Variants in GGACT observed in about 807,000 individuals in gnomAD.
GGACT encodes gamma-glutamylaminecyclotransferase.
For missense variants in GGACT, 241 were observed against 233.2 expected (o/e 1.03, Z -0.22); for synonymous variants, 118 against 115.3 (o/e 1.02, Z -0.15).
At chr13:100,566,042 C>T (rs1428923903) in intron 2 of GGACT, among the ~76,000 whole-genome samples, 2 of 152,164 alleles carry the variant, frequency 1.3e-5, no homozygotes, top group Non-Finnish European at 2.9e-5. Flanking sequence ...GAGGTCTCCA[C>T]CAACAGTCAG....
At chr13:100,535,523 C>T (rs1018873737) in intron 2 of GGACT, among the ~76,000 whole-genome samples, 1 of 152,188 alleles carries the variant, frequency 6.6e-6, no homozygotes, top group Non-Finnish European at 1.5e-5. Context: ...TCAGAGACCG[C>T]GGTGGGTACC....
intron 2 of GGACT, among the ~76,000 whole-genome samples, chr13:100,582,564 C>G (rs1489712935): frequency 6.6e-6 from 1 of 152,168 alleles, no homozygotes; most frequent in Non-Finnish European, 1.5e-5. Flanking sequence ...ACTGGAAAAC[C>G]TGCCCTGGAT....
chr13:100,551,270 C>A (rs552514680), intron 2 of GGACT, among the ~76,000 whole-genome samples: 1 of 151,506 alleles, frequency 6.6e-6, no homozygotes, highest in Non-Finnish European at 1.5e-5. Flanking sequence ...GGCGACAGAG[C>A]GAGACTCTGT....
rs187403837 is a variant in GGACT, at chr13:100,543,331, C to T, written c.-10-10730G>A. Among the ~76,000 whole-genome samples, 350 of 151,432 alleles carry T rather than the reference C, an allele frequency of 2.3e-3. 2 individuals carry two copies. Among genetic ancestry groups the T allele is most frequent in the African/African-American group, 8.1e-3 (335 of 41,210 alleles). On this transcript the variant is annotated intron_variant, in intron 2 of 2. Coordinates refer to ENST00000683975, the MANE Select transcript of GGACT (RefSeq NM_001195087.2). ...CAAGCAGTTCTCCTGCCTCAGCCTCCTGAGTAGCTGGGACTATAGGTGCCC... is the reference window on the plus strand; with the variant it reads ...CAAGCAGTTCTCCTGCCTCAGCCTCTTGAGTAGCTGGGACTATAGGTGCCC...
In GGACT at chr13:100,534,441, G is replaced by A. The variant is rs1311163954; in HGVS notation, c.-10-1840C>T. On this transcript the variant is annotated intron_variant, in intron 2 of 2. Coordinates refer to ENST00000683975, the MANE Select transcript of GGACT (RefSeq NM_001195087.2). The surrounding 1 kb of genome is among the most constrained non-coding windows in gnomAD (Gnocchi z 4.9). ...GTACTGAGGAAGAGAAGAGGCAAGT[G>A]CTCAGGCCTAAAATTGCCAGGACTC... Among the ~76,000 whole-genome samples, 1 of 152,124 alleles carries A rather than the reference G, an allele frequency of 6.6e-6. No individual in the cohort carries two copies. The highest frequency in any genetic ancestry group is 2.4e-5 in the African/African-American group (1 of 41,430).
intron 2 of GGACT, among the ~76,000 whole-genome samples, chr13:100,544,385 A>G (rs1033715771): frequency 6.6e-6 from 1 of 152,214 alleles, no homozygotes; most frequent in Non-Finnish European, 1.5e-5. Context: ...CTCGGGCCGC[A>G]TCCTGTTGGC....
chr13:100,566,575 T>A (rs1874886681), intron 2 of GGACT, among the ~76,000 whole-genome samples: 1 of 152,236 alleles, frequency 6.6e-6, no homozygotes. Flanking sequence ...AGGTCCCCTT[T>A]ACCAGATCCC....
At chr13:100,571,707 T>C (rs1382784084) in intron 2 of GGACT, among the ~76,000 whole-genome samples, 1 of 152,156 alleles carries the variant, frequency 6.6e-6, no homozygotes, top group African/African-American at 2.4e-5. Flanking sequence ...GGGTGTTTCA[T>C]CTCTGTGAAC....
In GGACT at chr13:100,531,093, G is replaced by T. The variant is rs1201119472; in HGVS notation, c.*1037C>A. Reference sequence around the variant, plus strand: ...CCCAACAGAGAATGAGGTTACTAAAGATCACAGCAGCTGCATTTTCATTTG... The same window carrying T: ...CCCAACAGAGAATGAGGTTACTAAATATCACAGCAGCTGCATTTTCATTTG... On this transcript the variant is annotated 3_prime_UTR_variant, in exon 3 of 3. Transcript: ENST00000683975. 6.6e-6 allele frequency: 1 copy of T among 152,248 alleles called. No individual in the cohort carries two copies. The highest frequency in any genetic ancestry group is 1.5e-5 in the Non-Finnish European group (1 of 68,048). The allele number at this position is 152,248 out of a possible 1,614,324, so 9.4% of individuals were successfully genotyped here.
intron 2 of GGACT, among the ~76,000 whole-genome samples, chr13:100,558,998 G>A (rs2088734663): frequency 6.6e-6 from 1 of 152,088 alleles, no homozygotes. Context: ...GGAGGATGGA[G>A]GAGGAGAGAA....
chr13:100,558,253 G>A (rs1378072867), intron 2 of GGACT, among the ~76,000 whole-genome samples: 6 of 151,316 alleles, frequency 4.0e-5, no homozygotes, highest in Admixed American at 3.9e-4. Context: ...TGAGGCAGGA[G>A]GACTGCTTGA....
At position 100,534,051 on chromosome 13, in the gene GGACT, C is replaced by T. The variant is rs530112529; in HGVS notation, c.-10-1450G>A. On this transcript the variant is annotated intron_variant, in intron 2 of 2. Transcript: ENST00000683975. This position sits in a 1 kb window ranked among gnomAD's most constrained non-coding sequence, Gnocchi z 4.9. The stretch of plus-strand genomic sequence containing the variant: ...CCACACTTGCCACCAATCATGTGGA[C>T]AAGTGGACCCTGAAGAAACTGAAGA... 3.3e-5 allele frequency among the ~76,000 whole-genome samples: 5 copies of T among 152,338 alleles called. No homozygotes were observed. In the South Asian group the frequency reaches 1.0e-3, roughly 32 times the overall value.
At chr13:100,565,949 G>T (rs9518091) in intron 2 of GGACT, among the ~76,000 whole-genome samples, 147,409 of 152,302 alleles carry the variant, frequency 0.97, 71,426 homozygotes, top group Non-Finnish European at 0.99. Flanking sequence ...GGAGCTCTCT[G>T]CCGCTCTCAG....
intron 2 of GGACT, among the ~76,000 whole-genome samples, chr13:100,569,861 G>A (rs906457968): frequency 2.0e-5 from 3 of 152,176 alleles, no homozygotes; most frequent in Admixed American, 2.0e-4. Flanking sequence ...AGATCTCTAG[G>A]GCAGGGGCAA....
chr13:100,583,331 A>T (rs1027251418), intron 2 of GGACT, among the ~76,000 whole-genome samples: 12 of 152,182 alleles, frequency 7.9e-5, no homozygotes, highest in Admixed American at 2.6e-4. Flanking sequence ...TAAAATTAAA[A>T]TTTTTTGCAA....
chr13:100,567,482 C>T (rs545454673), intron 2 of GGACT, among the ~76,000 whole-genome samples: 6 of 152,310 alleles, frequency 3.9e-5, no homozygotes, highest in African/African-American at 1.2e-4. Context: ...TCATCTTAGA[C>T]TTTCCCTGTC....
chr13:100,582,261 G>A (rs1230771190), intron 2 of GGACT, among the ~76,000 whole-genome samples: 1 of 152,098 alleles, frequency 6.6e-6, no homozygotes, highest in Non-Finnish European at 1.5e-5. Flanking sequence ...CTTACTGTTG[G>A]GAGGAACTTC....
chr13:100,572,888 A>G (rs1875128718), intron 2 of GGACT, among the ~76,000 whole-genome samples: 1 of 152,168 alleles, frequency 6.6e-6, no homozygotes, highest in African/African-American at 2.4e-5. Flanking sequence ...TGCTTTCCTG[A>G]ACGAATATCT....
Position 100,534,620 on chromosome 13 carries a change from C to T in GGACT, c.-10-2019G>A, listed in dbSNP as rs1485061318. Among the ~76,000 whole-genome samples the T allele has an allele frequency of 6.6e-6, 1 of 152,282 alleles. No individual in the cohort carries two copies. Among genetic ancestry groups the T allele is most frequent in the African/African-American group, 2.4e-5 (1 of 41,558 alleles). The stretch of plus-strand genomic sequence containing the variant: ...CTGGGGGGCGATGATGGTTTGGATC[C>T]TGCTGTGCAGCTGCCTTGGGGACTC... On this transcript the variant is annotated intron_variant, in intron 2 of 2. Transcript: ENST00000683975. This position sits in a 1 kb window ranked among gnomAD's most constrained non-coding sequence, Gnocchi z 4.9.
Sources: allele counts gnomAD v4.1 joint callset (sites outside exome capture counted in the v4.1 genomes callset), GRCh38; gene constraint gnomAD v4.1.1; non-coding constraint Gnocchi (gnomAD v3.1); transcripts MANE v1.5; gene names NCBI Gene and HGNC (gene_info 2026-07-23, HGNC 2026-07-21).